Variants in CAMK4 observed in about 807,000 individuals in gnomAD.
CAMK4 encodes the protein calcium/calmodulin-dependent protein kinase type IV.
Under a neutral mutation model 44.9 loss-of-function variants are expected in CAMK4, and 22 were observed. The observed-to-expected ratio is 0.49, with a 90% CI of 0.35 to 0.70. The LOEUF (loss-of-function observed/expected upper bound fraction) is 0.70, where lower values mean the gene tolerates loss of function less well. Among genes scored for constraint, CAMK4 ranks in the 30% least tolerant of loss-of-function variants. The probability of loss-of-function intolerance (pLI) is 0.01; values close to 1 mark genes in which losing one functional copy is unlikely to be tolerated. For missense variants in CAMK4, 498 were observed against 586.8 expected (o/e 0.85, Z 1.56); for synonymous variants, 218 against 215.4 (o/e 1.01, Z -0.11).
intron 7 of CAMK4, among the ~76,000 whole-genome samples, chr5:111,452,604 T>A (rs1754275386): frequency 6.6e-6 from 1 of 152,136 alleles, no homozygotes; most frequent in Non-Finnish European, 1.5e-5. Context: ...TATTCTTAAA[T>A]CTATCTACTT....
At chr5:111,372,743 A>C (rs977819139) in intron 2 of CAMK4, among the ~76,000 whole-genome samples, 1 of 152,168 alleles carries the variant, frequency 6.6e-6, no homozygotes, top group African/African-American at 2.4e-5. Context: ...GCTATGGTTT[A>C]GTGTCCGTGG....
chr5:111,407,802 C>T (rs1472058008), intron 5 of CAMK4, among the ~76,000 whole-genome samples: 1 of 152,108 alleles, frequency 6.6e-6, no homozygotes, highest in Non-Finnish European at 1.5e-5. Context: ...TAGCCTCTAC[C>T]TACTGCAGGC....
chr5:111,367,007 G>T (rs749785222), intron 2 of CAMK4, among the ~76,000 whole-genome samples: 9 of 151,596 alleles, frequency 5.9e-5, no homozygotes, highest in Non-Finnish European at 1.2e-4. Flanking sequence ...TTAGTAACAA[G>T]AGCAATGACA....
chr5:111,475,537 T>G (rs917361306), intron 8 of CAMK4, among the ~76,000 whole-genome samples: 1 of 152,240 alleles, frequency 6.6e-6, no homozygotes, highest in African/African-American at 2.4e-5. Flanking sequence ...TCCTATCCCC[T>G]AGTCCATTAC....
At chr5:111,361,896 T>A (rs2112797262) in intron 2 of CAMK4, among the ~76,000 whole-genome samples, 2 of 152,154 alleles carry the variant, frequency 1.3e-5, no homozygotes, top group South Asian at 4.1e-4. Context: ...AAAAATAAAA[T>A]TGTGTTTCAT....
intron 5 of CAMK4, among the ~76,000 whole-genome samples, chr5:111,397,687 GTGTGTT>G (rs766036438): frequency 0.011 from 1,324 of 125,068 alleles, 8 homozygotes; most frequent in Middle Eastern, 0.028. Context: ...GTGTGTGTGT[GTGTGTT>G]TGCAGTTTAC....
At chr5:111,339,292 A>T (rs1340494652) in intron 1 of CAMK4, among the ~76,000 whole-genome samples, 1 of 151,222 alleles carries the variant, frequency 6.6e-6, no homozygotes, top group African/African-American at 2.4e-5. Context: ...CATATCCAAA[A>T]AATTATTTCC....
chr5:111,317,093 G>A (rs573959731), intron 1 of CAMK4, among the ~76,000 whole-genome samples: 1 of 152,188 alleles, frequency 6.6e-6, no homozygotes, highest in East Asian at 1.9e-4. Flanking sequence ...AAGGACATGG[G>A]CTTGGAACCG....
chr5:111,469,192 T>C (rs1179730429), intron 7 of CAMK4, among the ~76,000 whole-genome samples: 1 of 135,248 alleles, frequency 7.4e-6, no homozygotes, highest in Non-Finnish European at 1.6e-5. Flanking sequence ...TATATATATA[T>C]ATATATATAT....
chr5:111,358,314 T>C (rs365212), intron 2 of CAMK4, among the ~76,000 whole-genome samples: 139,368 of 152,094 alleles, frequency 0.92, 63,960 homozygotes, highest in East Asian at 1. Context: ...CTTGATGTGA[T>C]TCTTAACTCT....
At chr5:111,398,831 C>T (rs1427562740) in intron 5 of CAMK4, among the ~76,000 whole-genome samples, 1 of 152,104 alleles carries the variant, frequency 6.6e-6, no homozygotes, top group Non-Finnish European at 1.5e-5. Flanking sequence ...CTAGAATTCA[C>T]CTCACGTCCA....
chr5:111,284,126 C>G (rs962143508), intron 1 of CAMK4, among the ~76,000 whole-genome samples: 1 of 152,156 alleles, frequency 6.6e-6, no homozygotes, highest in African/African-American at 2.4e-5. Flanking sequence ...TCTGCTATCA[C>G]AAATTATTTA....
At chr5:111,315,392 A>T (rs969528666) in intron 1 of CAMK4, among the ~76,000 whole-genome samples, 4 of 152,168 alleles carry the variant, frequency 2.6e-5, no homozygotes, top group Non-Finnish European at 5.9e-5. Context: ...TGCACAGAAC[A>T]TAGAAAAGCT....
At chr5:111,259,466 C>T (rs748108596) in intron 1 of CAMK4, among the ~76,000 whole-genome samples, 1 of 152,090 alleles carries the variant, frequency 6.6e-6, no homozygotes, top group East Asian at 1.9e-4. Flanking sequence ...ATGATATTCA[C>T]GGAAAAAATA....
intron 7 of CAMK4, among the ~76,000 whole-genome samples, chr5:111,456,469 C>T (rs943420784): frequency 2.0e-5 from 3 of 149,904 alleles, no homozygotes; most frequent in Non-Finnish European, 4.4e-5. Context: ...CCAGCCTCGG[C>T]GACAGAGCGA....
At chr5:111,385,897 C>T (rs1751583883) in intron 4 of CAMK4, among the ~76,000 whole-genome samples, 1 of 152,030 alleles carries the variant, frequency 6.6e-6, no homozygotes, top group African/African-American at 2.4e-5. Context: ...TCTTTTGAGT[C>T]AGGCCTTTTA....
intron 1 of CAMK4, among the ~76,000 whole-genome samples, chr5:111,242,239 A>G (rs1415749603): frequency 2.6e-5 from 4 of 152,034 alleles, no homozygotes; most frequent in African/African-American, 9.7e-5. Context: ...ATATTCTCCC[A>G]CTTAATACAT....
At position 111,434,657 on chromosome 5, in the gene CAMK4, C is replaced by T. The variant is rs116058794; in HGVS notation, c.460-12029C>T. Among the ~76,000 whole-genome samples, 621 of 152,240 alleles carry T rather than the reference C, an allele frequency of 4.1e-3. 5 individuals carry two copies. The highest frequency in any genetic ancestry group is 0.012 in the African/African-American group (517 of 41,550). On this transcript the variant is annotated intron_variant, in intron 5 of 10. Transcript: ENST00000282356. ...TATATTCTGTTGATGATTCTTAAGG[C>T]ATCACAGAGTAGAGGTCAATGATAA...
intron 7 of CAMK4, among the ~76,000 whole-genome samples, chr5:111,471,579 C>G (rs1017523665): frequency 6.6e-6 from 1 of 152,198 alleles, no homozygotes; most frequent in Non-Finnish European, 1.5e-5. Flanking sequence ...GATAGAGGCT[C>G]TTTTCAAACT....
Sources: gnomAD v4.1 joint callset for allele counts (sites outside exome capture counted in the v4.1 genomes callset) on GRCh38, gnomAD v4.1.1 for gene constraint, MANE v1.5 for transcripts, NCBI Gene and HGNC (gene_info 2026-07-23, HGNC 2026-07-21) for gene names.